Variants in SLC12A4 observed in about 807,000 individuals in gnomAD.
SLC12A4 encodes solute carrier family 12 member 4.
SLC12A4 carries 84 observed loss-of-function variants against 119.2 expected under a neutral mutation model. That is an observed-to-expected ratio of 0.70 (90% confidence interval 0.59 to 0.85). The LOEUF (loss-of-function observed/expected upper bound fraction) is 0.85, where lower values mean the gene tolerates loss of function less well. Ranked by LOEUF, SLC12A4 falls within the 40% of genes least tolerant of loss-of-function variation. The probability of loss-of-function intolerance (pLI) is 0.00; values close to 1 mark genes in which losing one functional copy is unlikely to be tolerated. For missense variants in SLC12A4, 1,298 were observed against 1,476.3 expected, an observed-to-expected ratio of 0.88 and a Z score of 1.98; for synonymous variants, 599 against 604.6, an observed-to-expected ratio of 0.99 and a Z score of 0.14.
In SLC12A4 at chr16:67,945,351, T is replaced by C. The variant is rs752452971; in HGVS notation, c.3032+18A>G. The C allele has an allele frequency of 4.4e-6, 7 of 1,605,946 alleles. No homozygotes were observed. In the Admixed American group the frequency reaches 1.2e-4, roughly 27 times the overall value. The stretch of plus-strand genomic sequence containing the variant: ...CCCTAGATTCCAGTGCCGCTGGGGC[T>C]GTTTTTGCTGCACTCACGGCTTAAT... On this transcript the variant is annotated intron_variant, in intron 22 of 23. Transcript: ENST00000316341.
At position 67,963,492 on chromosome 16, in the gene SLC12A4, G is replaced by A. The variant is rs2030692778; in HGVS notation, c.183C>T (p.Tyr61=). ...CAAACAGTGCCAGGTTCCTGTCATAGTAGTCAATTCCTCTGGAAGCCTCCA... is the reference window on the plus strand; with the variant it reads ...CAAACAGTGCCAGGTTCCTGTCATAATAGTCAATTCCTCTGGAAGCCTCCA... ...SPLEASRGID[Y]YDRNLALFEE... The change falls in exon 2 of 24, where the codon TAC becomes TAT. Residue 61 remains tyrosine (Y), a synonymous_variant. Transcript: ENST00000316341. 1 of 1,583,950 alleles carries A rather than the reference G, an allele frequency of 6.3e-7. No individual in the cohort carries two copies. Among genetic ancestry groups the A allele is most frequent in the Non-Finnish European group, 8.5e-7 (1 of 1,171,298 alleles).
intron 1 of SLC12A4, among the ~76,000 whole-genome samples, chr16:67,967,944 G>C (rs570026324): frequency 6.6e-6 from 1 of 152,288 alleles, no homozygotes; most frequent in African/African-American, 2.4e-5. Context: ...AGACCCCCCA[G>C]TAGGCACACT....
chr16:67,955,797 T>C (rs1402457939), intron 5 of SLC12A4, among the ~76,000 whole-genome samples: 1 of 151,774 alleles, frequency 6.6e-6, no homozygotes, highest in Non-Finnish European at 1.5e-5. Flanking sequence ...GAGAATCGTT[T>C]GAACCTGGGA....
In SLC12A4 at chr16:67,950,807, C is replaced by CAGCT; in HGVS notation, c.1397-100_1397-97dup. The CAGCT allele has an allele frequency of 1.3e-6, 2 of 1,489,464 alleles. No homozygotes were observed. Among genetic ancestry groups the CAGCT allele is most frequent in the Non-Finnish European group, 1.8e-6 (2 of 1,086,724 alleles). The allele number at this position is 1,489,464 out of a possible 1,614,324, so 92.3% of individuals were successfully genotyped here. The stretch of plus-strand genomic sequence containing the variant: ...CCCAGCCAGACTACCAGGACACCTA[C>CAGCT]AGCTGGGAGTCTCGTGGTGTGTATG... On this transcript the variant is annotated intron_variant, in intron 10 of 23. Transcript: ENST00000316341. The surrounding 1 kb of genome is among the most constrained non-coding windows in gnomAD (Gnocchi z 4.3).
At chr16:67,964,120 C>T in intron 1 of SLC12A4, 1 of 1,506,980 alleles carries the variant, frequency 6.6e-7, no homozygotes, top group South Asian at 1.2e-5. Context: ...TGGGGCAAGC[C>T]CCAGGCCGTG....
chr16:67,952,094 C>T, intron 7 of SLC12A4, 57 bp from the exon 8 acceptor site: 1 of 1,608,174 alleles, frequency 6.2e-7, no homozygotes, highest in Non-Finnish European at 8.5e-7. Context: ...CCTGTGCCCA[C>T]CCTGCAGTCT....
At chr16:67,967,511 A>G (rs981061725) in intron 1 of SLC12A4, among the ~76,000 whole-genome samples, 3 of 152,134 alleles carry the variant, frequency 2.0e-5, no homozygotes, top group African/African-American at 7.2e-5. Context: ...ATATGCCACT[A>G]CGTACACAGA....
chr16:67,968,640 C>CCCG (rs926294899), upstream of SLC12A4: 77 of 1,282,666 alleles, frequency 6.0e-5, no homozygotes, highest in Non-Finnish European at 7.1e-5. Flanking sequence ...GCCGACACGC[C>CCCG]CCGCCCGCTC....
rs2058332693 is a variant in SLC12A4 at position 67,945,474 on chromosome 16, C to G, written c.2927G>C (p.Gly976Ala). 6.2e-7 allele frequency: 1 copy of G among 1,614,108 alleles called. No individual in the cohort carries two copies. The highest frequency in any genetic ancestry group is 8.5e-7 in the Non-Finnish European group (1 of 1,180,012). ...CCACGTCATCTGGATCTTGTCAGCC[C>G]CCACTGCAGACTCATCTTCCTCGTC... is the stretch of plus-strand genomic sequence containing the variant. ...YSDEEDESAV[G>A]ADKIQMTWTR... The change falls in exon 22 of 24, where the codon GGG becomes GCG. Residue 976 changes from glycine to alanine, a missense_variant. Gly to Ala is a moderately conservative substitution (Grantham distance 60). Coordinates refer to ENST00000316341, the MANE Select transcript of SLC12A4 (RefSeq NM_005072.5).
chr16:67,963,918 C>T, intron 1 of SLC12A4: 2 of 1,551,348 alleles, frequency 1.3e-6, no homozygotes, highest in Non-Finnish European at 1.7e-6. Flanking sequence ...CTTTCCCGGT[C>T]TTTCCGGAGT....
chr16:67,945,682 T>G, intron 21 of SLC12A4, 82 bp downstream of exon 21: 1 of 1,502,908 alleles, frequency 6.7e-7, no homozygotes, highest in Non-Finnish European at 9.1e-7. Flanking sequence ...TGAGTCATTC[T>G]GATTCCTCCG....
intron 1 of SLC12A4, among the ~76,000 whole-genome samples, chr16:67,965,482 C>G (rs1342794767): frequency 6.6e-6 from 1 of 152,216 alleles, no homozygotes; most frequent in Non-Finnish European, 1.5e-5. Context: ...CCCCCTTCCT[C>G]TGCATGGTTT....
chr16:67,953,123 G>A (rs1399149594), intron 6 of SLC12A4, among the ~76,000 whole-genome samples: 2 of 151,966 alleles, frequency 1.3e-5, no homozygotes, highest in South Asian at 2.1e-4. Flanking sequence ...TAGGCCGGGC[G>A]CAATGGCTCA....
chr16:67,954,621 GC>G (rs1209207426), intron 6 of SLC12A4, 21 bp downstream of exon 6: 16 of 1,613,826 alleles, frequency 9.9e-6, no homozygotes, highest in Non-Finnish European at 1.3e-5. Context: ...GCCAGAGTTG[GC>G]CAGGGCTCAG....
intron 3 of SLC12A4, among the ~76,000 whole-genome samples, chr16:67,958,889 T>A (rs530978862): frequency 2.0e-5 from 3 of 152,274 alleles, no homozygotes; most frequent in African/African-American, 7.2e-5. Flanking sequence ...TGGTTCTCCC[T>A]CTCACATTCC....
Position 67,957,937 on chromosome 16 carries a change from C to T in SLC12A4, c.450G>A (p.Val150=), listed in dbSNP as rs775592590. The T allele has an allele frequency of 6.2e-7, 1 of 1,614,234 alleles. No homozygotes were observed. The highest frequency in any genetic ancestry group is 1.1e-5 in the South Asian group (1 of 91,084). Residue 150 remains valine, a synonymous_variant, in exon 4 of 24, where the codon GTG becomes GTA. Transcript: ENST00000316341. Reference sequence around the variant, plus strand: ...TAAGCACGATGAGGAGGGCCTGTAGCACACCTGCTGTGCCCACCATCCAGG... The same window carrying T: ...TAAGCACGATGAGGAGGGCCTGTAGTACACCTGCTGTGCCCACCATCCAGG... ...RLTWMVGTAG[V]LQALLIVLIC...
At chr16:67,945,004 C>T (rs1050907377) in intron 23 of SLC12A4, 73 bp from the exon 24 acceptor site, 7 of 1,606,516 alleles carry the variant, frequency 4.4e-6, no homozygotes, top group Non-Finnish European at 5.1e-6. Flanking sequence ...CATGCCCACC[C>T]AGGGGTGCCC....
chr16:67,967,522 C>T (rs960718685), intron 1 of SLC12A4, among the ~76,000 whole-genome samples: 2 of 152,192 alleles, frequency 1.3e-5, no homozygotes, highest in African/African-American at 4.8e-5. Flanking sequence ...CGTACACAGA[C>T]ACATGTCCTC....
chr16:67,953,574 AT>A (rs1261162338), intron 6 of SLC12A4, among the ~76,000 whole-genome samples: 1 of 152,158 alleles, frequency 6.6e-6, no homozygotes, highest in African/African-American at 2.4e-5. Context: ...GGTTCTTGGG[AT>A]GATGAAAATG....
Sources: gnomAD v4.1 joint callset for allele counts (sites outside exome capture counted in the v4.1 genomes callset) on GRCh38, gnomAD v4.1.1 for gene constraint, Gnocchi (gnomAD v3.1) non-coding constraint, MANE v1.5 for transcripts, NCBI Gene and HGNC (gene_info 2026-07-23, HGNC 2026-07-21) for gene names.